BMPER: variants seen among roughly 807,000 people sequenced by gnomAD.
BMPER encodes the protein BMP binding endothelial regulator.
A neutral mutation model predicts 87.3 loss-of-function variants in BMPER; 45 were observed. The observed-to-expected ratio is 0.52, with a 90% CI of 0.41 to 0.66. The LOEUF (loss-of-function observed/expected upper bound fraction) is 0.66. Among genes scored for constraint, BMPER ranks in the 30% least tolerant of loss-of-function variants. The pLI is 0.00. For missense variants in BMPER, 784 were observed against 867.5 expected, an observed-to-expected ratio of 0.90 and a Z score of 1.21; for synonymous variants, 326 against 316.2, an observed-to-expected ratio of 1.03 and a Z score of -0.33.
intron 4 of BMPER, 103 bp downstream of exon 4, chr7:33,966,664 G>A: frequency 2.7e-6 from 3 of 1,110,862 alleles, no homozygotes; most frequent in Admixed American, 4.0e-5. Flanking sequence ...AGGCCAAACA[G>A]AAATGAAAAA....
chr7:34,120,572 G>A (rs1790238507), intron 13 of BMPER, among the ~76,000 whole-genome samples: 1 of 152,038 alleles, frequency 6.6e-6, no homozygotes, highest in African/African-American at 2.4e-5. Context: ...CTAATTTTGT[G>A]TTTTTCGTAG....
At chr7:34,000,379 T>C (rs930312415) in intron 6 of BMPER, among the ~76,000 whole-genome samples, 2 of 152,112 alleles carry the variant, frequency 1.3e-5, no homozygotes, top group African/African-American at 4.8e-5. Flanking sequence ...ATAAAAGATA[T>C]TAGGACAGTT....
At chr7:33,964,729 G>A (rs1562656150) in intron 3 of BMPER, among the ~76,000 whole-genome samples, 1 of 152,176 alleles carries the variant, frequency 6.6e-6, no homozygotes, top group African/African-American at 2.4e-5. Flanking sequence ...GGATTTTGTA[G>A]CACACTTCCT....
intron 6 of BMPER, among the ~76,000 whole-genome samples, chr7:34,043,505 T>C (rs1278973022): frequency 6.6e-6 from 1 of 152,152 alleles, no homozygotes; most frequent in Non-Finnish European, 1.5e-5. Context: ...CATAGCACTG[T>C]CAAAAGAAAA....
In BMPER at chr7:33,970,353, G is replaced by T. The variant is rs769099481; in HGVS notation, c.427G>T (p.Val143Leu). 9 of 1,614,006 alleles carry T rather than the reference G, an allele frequency of 5.6e-6. No individual in the cohort carries two copies. Among genetic ancestry groups the T allele is most frequent in the African/African-American group, 1.3e-5 (1 of 74,926 alleles). ...CQEGVVTESGVRCVVHCKNPL... is the reference protein window; with the variant it reads ...CQEGVVTESGLRCVVHCKNPL... Reference sequence around the variant, plus strand: ...GGAGGGCGTTGTCACAGAGTCTGGGGTGCGCTGTGTTGTTCATTGTAAAAA... The same window carrying T: ...GGAGGGCGTTGTCACAGAGTCTGGGTTGCGCTGTGTTGTTCATTGTAAAAA... The change falls in exon 5 of 15, where the codon GTG (valine) becomes TTG (leucine). Residue 143 changes from valine to leucine, a missense_variant. Val to Leu is a conservative substitution (Grantham distance 32). Coordinates refer to ENST00000649409, the MANE Select transcript of BMPER (RefSeq NM_001365308.1).
chr7:34,148,414 A>G (rs1410679502), intron 14 of BMPER, among the ~76,000 whole-genome samples: 1 of 152,198 alleles, frequency 6.6e-6, no homozygotes, highest in East Asian at 1.9e-4. Context: ...CTATTTACAC[A>G]TCAGCTTTAC....
At position 34,153,026 on chromosome 7, in the gene BMPER, T is replaced by C; in HGVS notation, c.1877-66T>C. On this transcript the variant is annotated intron_variant, in intron 14 of 14. Coordinates refer to ENST00000649409, the MANE Select transcript of BMPER (RefSeq NM_001365308.1). ...GTGTCATGAGCCTGCAAGAACGGCA[T>C]CTGGCTGAGGGTGAATTAATGGGGC... 4 of 1,583,276 alleles carry C rather than the reference T, an allele frequency of 2.5e-6. No homozygotes were observed. The Middle Eastern group carries it at 5.0e-4, about 198-fold the overall frequency.
At chr7:34,135,928 A>T (rs1014598542) in intron 13 of BMPER, among the ~76,000 whole-genome samples, 2 of 152,178 alleles carry the variant, frequency 1.3e-5, no homozygotes, top group Non-Finnish European at 2.9e-5. Flanking sequence ...TATATCTACA[A>T]CCAGAGAAAC....
At chr7:34,102,145 C>CT (rs1789696697) in intron 13 of BMPER, among the ~76,000 whole-genome samples, 4 of 58,046 alleles carry the variant, frequency 6.9e-5, no homozygotes, top group Admixed American at 2.4e-4. Context: ...GCCTTTTCTC[C>CT]ATTTTTTTTT....
chr7:33,990,354 G>T (rs1408288408), intron 6 of BMPER, among the ~76,000 whole-genome samples: 2 of 138,200 alleles, frequency 1.4e-5, no homozygotes. Context: ...TGGATTCCTA[G>T]GTATTTTATT....
intron 11 of BMPER, chr7:34,067,094 A>G (rs1021609082): frequency 2.6e-5 from 4 of 152,254 alleles, no homozygotes; most frequent in South Asian, 2.1e-4. Flanking sequence ...TTTAATTGAA[A>G]TAACCTCAAC....
intron 6 of BMPER, among the ~76,000 whole-genome samples, chr7:33,981,273 CA>C (rs199783136): frequency 0.01 from 1,598 of 152,286 alleles, 23 homozygotes; most frequent in African/African-American, 0.036. Flanking sequence ...GTTCATGTGC[CA>C]AATAAAGTTT....
chr7:34,038,587 A>G (rs1356753487), intron 6 of BMPER, among the ~76,000 whole-genome samples: 2 of 152,220 alleles, frequency 1.3e-5, no homozygotes, highest in East Asian at 3.9e-4. Context: ...ATGCAGTTAT[A>G]CTTAGAAACA....
rs1160037591 is a variant in BMPER, at chr7:34,154,112, T to C, written c.*839T>C. On this transcript the variant is annotated 3_prime_UTR_variant, in exon 15 of 15. Transcript: ENST00000649409. ...CACAACATATGATGAAATTTTGATT[T>C]CTCTGAATCTCAGAGTAATTTAAGA... is the stretch of plus-strand genomic sequence containing the variant. 6.6e-6 allele frequency: 1 copy of C among 152,644 alleles called. No homozygotes were observed. Among genetic ancestry groups the C allele is most frequent in the Non-Finnish European group, 1.5e-5 (1 of 68,040 alleles). 9.5% of individuals were successfully genotyped at this position (152,644 alleles called of 1,614,324 possible). A position where few individuals can be genotyped will look rare whatever the true frequency, so the allele number is the denominator to read the frequency against.
chr7:33,984,788 A>G lies in BMPER; in HGVS notation c.576+10004A>G, dbSNP rs532482938. On this transcript the variant is annotated intron_variant, in intron 6 of 14. Transcript: ENST00000649409. ...ATCTCACTTCGTTGTATCCTAGAAA[A>G]GATCATTCCTTTAATTTTCTTCTTC... 3.9e-5 allele frequency among the ~76,000 whole-genome samples: 6 copies of G among 152,358 alleles called. No individual in the cohort carries two copies. The East Asian group carries it at 1.2e-3, about 29-fold the overall frequency.
chr7:34,150,157 A>T (rs1791135980), intron 14 of BMPER, among the ~76,000 whole-genome samples: 1 of 152,140 alleles, frequency 6.6e-6, no homozygotes. Context: ...GAAGTGCTTC[A>T]GTGGGGCTTG....
chr7:33,942,907 T>C (rs868770315), intron 3 of BMPER, among the ~76,000 whole-genome samples: 2 of 152,128 alleles, frequency 1.3e-5, no homozygotes, highest in Middle Eastern at 3.2e-3. Context: ...TTATTGGAAA[T>C]CTATTCCAGT....
chr7:33,939,926 T>TTCTCTCTTTCTACCTCGTAA (rs1784711578), intron 3 of BMPER: 1 of 269,098 alleles, frequency 3.7e-6, no homozygotes, highest in Admixed American at 4.0e-5. Flanking sequence ...ACCCTTTGTT[T>TTCTCTCTTTCTACCTCGTAA]TCTCTCTTTC....
chr7:34,025,739 A>T (rs1183698555), intron 6 of BMPER, among the ~76,000 whole-genome samples: 1 of 152,032 alleles, frequency 6.6e-6, no homozygotes, highest in Non-Finnish European at 1.5e-5. Context: ...GGTCTCAGGC[A>T]TGTTTGCTTA....
Sources: gnomAD v4.1 joint callset for allele counts (sites outside exome capture counted in the v4.1 genomes callset) on GRCh38, gnomAD v4.1.1 for gene constraint, MANE v1.5 for transcripts, NCBI Gene and HGNC (gene_info 2026-07-23, HGNC 2026-07-21) for gene names.